The following METTL21A variants were observed in gnomAD, a reference collection of about 807,000 sequenced individuals.
METTL21A encodes the protein methyltransferase 21A, HSPA lysine, also known as protein N-lysine methyltransferase METTL21A.
In METTL21A, 22 loss-of-function variants were observed where a neutral mutation model predicts 20.9. The observed-to-expected ratio is 1.05, with a 90% CI of 0.75 to 1.50. METTL21A has a LOEUF of 1.50. Among genes scored for constraint, METTL21A ranks in the 40% most tolerant of loss-of-function variants. The pLI, the probability that METTL21A is intolerant of heterozygous loss-of-function variation, is 0.00. For synonymous variants in METTL21A, 93 were observed against 102.0 expected, an observed-to-expected ratio of 0.91 and a Z score of 0.53; for missense variants, 271 against 266.8, an observed-to-expected ratio of 1.02 and a Z score of -0.11.
At chr2:207,584,553 T>C (rs1426739633) in intron 3 of METTL21A, among the ~76,000 whole-genome samples, 1 of 152,112 alleles carries the variant, frequency 6.6e-6, no homozygotes, top group African/African-American at 2.4e-5. Flanking sequence ...TACAGGCACC[T>C]GCCACCACGT....
chr2:207,601,729 C>T (rs56129159), intron 3 of METTL21A: 1 of 214,388 alleles, frequency 4.7e-6, no homozygotes, highest in Non-Finnish European at 9.4e-6. Context: ...TTGTTAACAT[C>T]AAAGAAATGC....
At chr2:207,623,913 C>G (rs59093890) in intron 2 of METTL21A, among the ~76,000 whole-genome samples, 1 of 152,120 alleles carries the variant, frequency 6.6e-6, no homozygotes, top group South Asian at 2.1e-4. Flanking sequence ...CTATCCTCTC[C>G]GACAAGTCAT....
rs1433084199 is a variant in METTL21A, at chr2:207,613,536, A to G, written c.260-93T>C. On this transcript the variant is annotated intron_variant, in intron 3 of 3. Coordinates refer to ENST00000406927, the Ensembl canonical transcript of METTL21A. ...AAGTTAAATGTAGAGTGTCTCTTAAATATTGCATCTGATATGCATAATATC... is the reference window on the plus strand; with the variant it reads ...AAGTTAAATGTAGAGTGTCTCTTAAGTATTGCATCTGATATGCATAATATC... 3 of 1,189,492 alleles carry G rather than the reference A, an allele frequency of 2.5e-6. No individual in the cohort carries two copies. The African/African-American group carries it at 4.6e-5, about 18-fold the overall frequency. 73.7% of individuals were successfully genotyped at this position (1,189,492 alleles called of 1,614,324 possible).
intron 3 of METTL21A, among the ~76,000 whole-genome samples, chr2:207,589,046 G>A (rs1023984868): frequency 1.3e-5 from 2 of 152,078 alleles, no homozygotes; most frequent in Admixed American, 1.3e-4. Context: ...GGAGTGGTGA[G>A]AGAGGACATC....
intron 3 of METTL21A, among the ~76,000 whole-genome samples, 191 bp from the exon 4 acceptor site, chr2:207,613,634 G>A (rs767290953): frequency 9.2e-5 from 14 of 152,234 alleles, no homozygotes; most frequent in Admixed American, 2.6e-4. Context: ...ACTGGTAGAA[G>A]TGACTCTTGA....
At chr2:207,596,807 T>C (rs933087871) in intron 3 of METTL21A, 1 of 1,241,160 alleles carries the variant, frequency 8.1e-7, no homozygotes, top group African/African-American at 1.6e-5. Flanking sequence ...TATACTAAAA[T>C]GTTGGTTGCT....
exon 4 of METTL21A, chr2:207,582,008 T>C: frequency 1.4e-6 from 1 of 699,102 alleles, no homozygotes; most frequent in Non-Finnish European, 2.6e-6. Context: ...AGTGTGCCTT[T>C]CTCATAACAT....
chr2:207,581,940 G>C (rs1369460969), exon 4 of METTL21A: 2 of 702,732 alleles, frequency 2.8e-6, no homozygotes, highest in African/African-American at 1.7e-5. Context: ...CATTTGTCCA[G>C]TGTTTTCTAT....
chr2:207,603,353 C>G, intron 3 of METTL21A: 1 of 224,532 alleles, frequency 4.5e-6, no homozygotes, highest in Admixed American at 5.7e-5. Flanking sequence ...TTACTGTAAT[C>G]TTTGTGGTAT....
At chr2:207,616,022 T>C (rs938898325) in intron 3 of METTL21A, among the ~76,000 whole-genome samples, 1 of 152,086 alleles carries the variant, frequency 6.6e-6, no homozygotes, top group South Asian at 2.1e-4. Context: ...GTGCTGGGAT[T>C]ACAGGCGTGA....
chr2:207,596,873 A>T (rs1007658117), intron 3 of METTL21A: 1 of 1,580,072 alleles, frequency 6.3e-7, no homozygotes, highest in Non-Finnish European at 8.5e-7. Flanking sequence ...AAATATGTGG[A>T]AATCATTTGC....
chr2:207,621,431 T>C (rs983167001), intron 3 of METTL21A, among the ~76,000 whole-genome samples: 58 of 152,294 alleles, frequency 3.8e-4, no homozygotes, highest in African/African-American at 1.3e-3. Flanking sequence ...AATCAGATAG[T>C]GTATGGGAAA....
chr2:207,587,179 G>A (rs986339252), intron 3 of METTL21A, among the ~76,000 whole-genome samples: 4 of 152,232 alleles, frequency 2.6e-5, no homozygotes, highest in Admixed American at 6.5e-5. Context: ...GGATCACAAG[G>A]TCAGGAGATC....
At chr2:207,609,692 G>T (rs1360275645), downstream of METTL21A, 2 of 151,230 alleles carry the variant, frequency 1.3e-5, no homozygotes, top group African/African-American at 4.9e-5. Context: ...GCTTGGGAAA[G>T]AACTGCATTA....
intron 3 of METTL21A, among the ~76,000 whole-genome samples, chr2:207,585,444 C>T (rs912326600): frequency 2.0e-5 from 3 of 152,148 alleles, no homozygotes; most frequent in African/African-American, 7.2e-5. Flanking sequence ...AAGTCTTTCT[C>T]TACAAAAGCC....
chr2:207,586,559 T>G (rs2083876749), intron 3 of METTL21A, among the ~76,000 whole-genome samples: 2 of 152,036 alleles, frequency 1.3e-5, no homozygotes, highest in South Asian at 4.2e-4. Flanking sequence ...AGAAAAATAG[T>G]TAAGTGGAAA....
chr2:207,614,851 A>G (rs2551947), intron 3 of METTL21A, among the ~76,000 whole-genome samples: 128,511 of 152,210 alleles, frequency 0.84, 54,441 homozygotes, highest in East Asian at 1. Flanking sequence ...CTGAAATTTA[A>G]AATTATGTTT....
chr2:207,588,870 T>C (rs1325574246), intron 3 of METTL21A, among the ~76,000 whole-genome samples: 3 of 140,624 alleles, frequency 2.1e-5, no homozygotes, highest in Admixed American at 2.1e-4. Context: ...AATTTACTTA[T>C]TAGTTCTAGG....
chr2:207,591,487 C>T (rs2085019338), intron 3 of METTL21A, among the ~76,000 whole-genome samples: 2 of 152,284 alleles, frequency 1.3e-5, no homozygotes, highest in African/African-American at 4.8e-5. Flanking sequence ...AGTGCAATGG[C>T]AGTGGCACAA....
Sources: gnomAD v4.1 joint callset for allele counts (sites outside exome capture counted in the v4.1 genomes callset) on GRCh38, gnomAD v4.1.1 for gene constraint, MANE v1.5 for transcripts, NCBI Gene and HGNC (gene_info 2026-07-23, HGNC 2026-07-21) for gene names.